The following KLHL29 variants were observed in gnomAD, a reference collection of about 807,000 sequenced individuals.
KLHL29 encodes the protein kelch-like protein 29.
A neutral mutation model predicts 80.4 loss-of-function variants in KLHL29; 21 were observed. That is an observed-to-expected ratio of 0.26 (90% CI 0.19 to 0.38). KLHL29 has a LOEUF of 0.38. KLHL29 is among the 10% of genes least tolerant of loss of function. KLHL29 has a pLI of 1.00. For missense variants in KLHL29, 867 were observed against 1,223.9 expected (o/e 0.71, Z 4.35); for synonymous variants, 511 against 526.8 (o/e 0.97, Z 0.41).
intron 3 of KLHL29, among the ~76,000 whole-genome samples, chr2:23,618,837 G>A (rs1302041669): frequency 6.6e-6 from 1 of 152,196 alleles, no homozygotes; most frequent in Non-Finnish European, 1.5e-5. Flanking sequence ...AGCTACCTGT[G>A]TCCTCTAGGA....
chr2:23,557,329 C>T (rs1239350096), intron 2 of KLHL29, among the ~76,000 whole-genome samples: 1 of 152,180 alleles, frequency 6.6e-6, no homozygotes, highest in African/African-American at 2.4e-5. Flanking sequence ...CAGGGTAAAC[C>T]GTGCAACTCC....
intron 1 of KLHL29, among the ~76,000 whole-genome samples, chr2:23,455,367 A>G (rs1664020388): frequency 6.6e-6 from 1 of 152,238 alleles, no homozygotes; most frequent in Non-Finnish European, 1.5e-5. Flanking sequence ...TTAAGTTGAA[A>G]TAGTTTTGCT....
intron 5 of KLHL29, among the ~76,000 whole-genome samples, chr2:23,654,198 A>C (rs965428538): frequency 6.6e-6 from 1 of 151,424 alleles, no homozygotes; most frequent in Non-Finnish European, 1.5e-5. Context: ...AAACTAAATC[A>C]CCCAGCTCCT....
chr2:23,486,114 C>T (rs943764029), intron 2 of KLHL29, among the ~76,000 whole-genome samples: 8 of 152,196 alleles, frequency 5.3e-5, no homozygotes, highest in African/African-American at 1.9e-4. Flanking sequence ...AGGTGGCCCT[C>T]CTTGGCCCAC....
chr2:23,422,542 GTC>G (rs1407192536), intron 1 of KLHL29, among the ~76,000 whole-genome samples: 1 of 151,168 alleles, frequency 6.6e-6, no homozygotes, highest in Non-Finnish European at 1.5e-5. Flanking sequence ...ATGTGTCTGT[GTC>G]TCTCTGTGTT....
At chr2:23,405,723 G>A (rs1181173884) in intron 1 of KLHL29, among the ~76,000 whole-genome samples, 7 of 152,176 alleles carry the variant, frequency 4.6e-5, no homozygotes, top group Non-Finnish European at 8.8e-5. Flanking sequence ...AGGATACTTG[G>A]TAAGGAGCTC....
intron 1 of KLHL29, among the ~76,000 whole-genome samples, chr2:23,465,482 C>T (rs1558348176): frequency 6.6e-6 from 1 of 152,180 alleles, no homozygotes; most frequent in Non-Finnish European, 1.5e-5. Context: ...CATAAATACC[C>T]CGGCTTCCTC....
intron 7 of KLHL29, 116 bp downstream of exon 7, chr2:23,691,992 A>T: frequency 9.9e-7 from 1 of 1,011,168 alleles, no homozygotes; most frequent in Non-Finnish European, 1.4e-6. Flanking sequence ...AAGCTCCCTC[A>T]CATGTGGCTG....
intron 1 of KLHL29, among the ~76,000 whole-genome samples, chr2:23,432,419 A>G (rs2103409084): frequency 6.6e-6 from 1 of 152,230 alleles, no homozygotes; most frequent in South Asian, 2.1e-4. Context: ...CTTTCTATTC[A>G]TTTGTTGGAG....
rs1671117601 is a variant in KLHL29 at position 23,682,600 on chromosome 2, C to T, written c.941-1799C>T. 6.6e-6 allele frequency among the ~76,000 whole-genome samples: 1 copy of T among 152,212 alleles called. No homozygotes were observed. The highest frequency in any genetic ancestry group is 1.5e-5 in the Non-Finnish European group (1 of 68,030). On this transcript the variant is annotated intron_variant, in intron 5 of 13. Coordinates refer to ENST00000486442, the MANE Select transcript of KLHL29 (RefSeq NM_052920.2). The surrounding 1 kb of genome is among the most constrained non-coding windows in gnomAD (Gnocchi z 4.1). Reference sequence around the variant, plus strand: ...CAAGACTGTTGCGATCTGGCCCCGCCCACCGCCTCATTGTGTTCCCTGTTG... The same window carrying T: ...CAAGACTGTTGCGATCTGGCCCCGCTCACCGCCTCATTGTGTTCCCTGTTG...
chr2:23,586,362 CTTTTTTTTT>C (rs778067234), intron 3 of KLHL29, among the ~76,000 whole-genome samples: 2 of 96,992 alleles, frequency 2.1e-5, no homozygotes, highest in African/African-American at 4.4e-5. Flanking sequence ...AAAAGCATTA[CTTTTTTTTT>C]TTTTTTTTTT....
Position 23,621,836 on chromosome 2 carries a change from G to A in KLHL29, c.286-17303G>A, listed in dbSNP as rs1351578855. 2.6e-5 allele frequency among the ~76,000 whole-genome samples: 4 copies of A among 152,186 alleles called. No individual in the cohort carries two copies. In the East Asian group the frequency reaches 7.7e-4, roughly 29 times the overall value. ...TCCAGCATACCCTCCTCCCTGTGGT[G>A]GTCAAATGCAGCTCACCATATCCAG... On this transcript the variant is annotated intron_variant, in intron 3 of 13. Coordinates refer to ENST00000486442, the MANE Select transcript of KLHL29 (RefSeq NM_052920.2).
chr2:23,686,080 G>A (rs1037958403), intron 6 of KLHL29, among the ~76,000 whole-genome samples: 9 of 152,196 alleles, frequency 5.9e-5, no homozygotes, highest in Admixed American at 4.6e-4. Flanking sequence ...AAGTAGTGAA[G>A]GCTTCTTGGG....
intron 1 of KLHL29, among the ~76,000 whole-genome samples, chr2:23,403,726 AGTGTGTGTGTGTGTGTGTGT>A (rs36116395): frequency 6.9e-6 from 1 of 144,010 alleles, no homozygotes; most frequent in Non-Finnish European, 1.5e-5. Context: ...AGAGAGAGAG[AGTGTGTGTGTGTGTGTGTGT>A]GTGTGTGTGT....
At chr2:23,598,128 G>T (rs1035981517) in intron 3 of KLHL29, among the ~76,000 whole-genome samples, 1 of 152,198 alleles carries the variant, frequency 6.6e-6, no homozygotes, top group African/African-American at 2.4e-5. Context: ...TAAGAGGTTG[G>T]TAATAAGAGG....
chr2:23,597,287 T>A (rs1668431174), intron 3 of KLHL29, among the ~76,000 whole-genome samples: 1 of 64 alleles, frequency 0.016, no homozygotes, highest in Non-Finnish European at 0.25. Context: ...AATCTATCTC[T>A]CTCTCTCTCA....
At chr2:23,581,848 T>C (rs1203042072) in intron 3 of KLHL29, among the ~76,000 whole-genome samples, 1 of 49,750 alleles carries the variant, frequency 2.0e-5, no homozygotes, top group Admixed American at 2.1e-4. Flanking sequence ...AAAAAAAAAC[T>C]TTTATTTGAG....
At chr2:23,641,505 C>T (rs144405028) in intron 4 of KLHL29, among the ~76,000 whole-genome samples, 98 of 152,372 alleles carry the variant, frequency 6.4e-4, no homozygotes, top group Admixed American at 1.8e-3. Context: ...CCCCTGCCTC[C>T]CTCAGAGGCG....
chr2:23,423,128 G>A (rs972591619), intron 1 of KLHL29, among the ~76,000 whole-genome samples: 4 of 152,230 alleles, frequency 2.6e-5, no homozygotes, highest in East Asian at 3.9e-4. Context: ...GGCGGGCCCC[G>A]CAGGTGGTCC....
Sources: allele counts gnomAD v4.1 joint callset (sites outside exome capture counted in the v4.1 genomes callset), GRCh38; gene constraint gnomAD v4.1.1; non-coding constraint Gnocchi (gnomAD v3.1); transcripts MANE v1.5; gene names NCBI Gene and HGNC (gene_info 2026-07-23, HGNC 2026-07-21).